Variants in THOC2 observed in about 807,000 individuals in gnomAD.
THOC2 encodes THO complex 2.
In THOC2, 10 loss-of-function variants were observed where a neutral mutation model predicts 128.4. The ratio of observed to expected loss-of-function variants is 0.08; its 90% CI spans 0.05 to 0.13. The LOEUF (loss-of-function observed/expected upper bound fraction) is 0.13. Among genes scored for constraint, THOC2 ranks in the 10% least tolerant of loss-of-function variants. The pLI, the probability that THOC2 is intolerant of heterozygous loss-of-function variation, is 1.00. For missense variants in THOC2, 535 were observed against 1,155.7 expected, an observed-to-expected ratio of 0.46 and a Z score of 7.79; for synonymous variants, 393 against 396.9, an observed-to-expected ratio of 0.99 and a Z score of 0.12.
chrX:123,703,251 A>G lies in THOC2; in HGVS notation c.274+203T>C, dbSNP rs1173010600. The stretch of plus-strand genomic sequence containing the variant: ...AGAAATCTACATTGTCAAAAACTCA[A>G]ACAATTTGAATTATACCTCTAAAGT... On this transcript the variant is annotated intron_variant, in intron 4 of 38. Coordinates refer to ENST00000245838, the MANE Select transcript of THOC2 (RefSeq NM_001081550.2). Among the ~76,000 whole-genome samples, 11 of 112,042 alleles carry G rather than the reference A, an allele frequency of 9.8e-5. No homozygotes were observed. The Admixed American group carries it at 1.0e-3, about 11-fold the overall frequency.
At chrX:123,644,439 T>C (rs778902645) in intron 15 of THOC2, 136 bp downstream of exon 15, 23 of 375,993 alleles carry the variant, frequency 6.1e-5, no homozygotes, top group Non-Finnish European at 9.9e-5. Context: ...TCATTCCATC[T>C]GTAGTATATA....
In THOC2 at chrX:123,644,658, C is replaced by T. The variant is rs755959865; in HGVS notation, c.1578G>A (p.Gln526=). Reference sequence around the variant, plus strand: ...GACTGTTATAAGTTTCATTCTTCCACTGGCCATACAGACGATATCTTAAAA... The same window carrying T: ...GACTGTTATAAGTTTCATTCTTCCATTGGCCATACAGACGATATCTTAAAA... The part of the protein sequence containing the change: ...PYQHRYRLYG[Q]WKNETYNSHP... Residue 526 remains glutamine (Q), a synonymous_variant, in exon 15 of 39, where the codon CAG becomes CAA. Coordinates refer to ENST00000245838, the MANE Select transcript of THOC2 (RefSeq NM_001081550.2). 3 of 1,203,402 alleles carry T rather than the reference C, an allele frequency of 2.5e-6. No homozygotes were observed. Among genetic ancestry groups the T allele is most frequent in the Admixed American group, 4.4e-5 (2 of 45,400 alleles).
chrX:123,627,278 C>G (rs1436824603), intron 23 of THOC2, among the ~76,000 whole-genome samples: 1 of 111,401 alleles, frequency 9.0e-6, no homozygotes, highest in Non-Finnish European at 1.9e-5. Context: ...AATCTACTTC[C>G]TGTCTTTGCT....
chrX:123,719,793 A>T (rs1247573008), intron 1 of THOC2, among the ~76,000 whole-genome samples: 1 of 108,110 alleles, frequency 9.2e-6, no homozygotes. Flanking sequence ...AGAAAGAAAT[A>T]GGCATTGTGG....
At chrX:123,664,227 A>C (rs915718638) in intron 12 of THOC2, among the ~76,000 whole-genome samples, 1 of 112,350 alleles carries the variant, frequency 8.9e-6, no homozygotes, top group African/African-American at 3.2e-5. Flanking sequence ...AAAGACTTAA[A>C]TGTTAGTCCT....
At chrX:123,661,613 G>T (rs2048834518) in intron 12 of THOC2, among the ~76,000 whole-genome samples, 1 of 110,488 alleles carries the variant, frequency 9.1e-6, no homozygotes, top group Admixed American at 9.7e-5. Flanking sequence ...TAACAACAAT[G>T]TATTATATAT....
At chrX:123,613,276 C>A in intron 36 of THOC2, 123 bp downstream of exon 36, 1 of 697,246 alleles carries the variant, frequency 1.4e-6, no homozygotes, top group African/African-American at 2.2e-5. Flanking sequence ...AATACCTCTT[C>A]TTCCCACTCC....
At chrX:123,612,423 C>T (rs913218270) in intron 36 of THOC2, among the ~76,000 whole-genome samples, 6 of 111,815 alleles carry the variant, frequency 5.4e-5, no homozygotes, top group Admixed American at 4.7e-4. Flanking sequence ...TGAAAGACAT[C>T]AGACACAAAA....
At chrX:123,666,835 C>T (rs761778269) in intron 11 of THOC2, among the ~76,000 whole-genome samples, 1 of 111,706 alleles carries the variant, frequency 9.0e-6, no homozygotes, top group East Asian at 2.8e-4. Flanking sequence ...AATGGAGTTT[C>T]AACTCTCAAT....
intron 11 of THOC2, 40 bp downstream of exon 11, chrX:123,667,066 A>G (rs2049077304): frequency 3.0e-6 from 3 of 1,013,148 alleles, no homozygotes; most frequent in Admixed American, 2.9e-5. Flanking sequence ...GTCCTAAGCT[A>G]TTTCTACCTC....
intron 38 of THOC2, among the ~76,000 whole-genome samples, chrX:123,606,900 G>A (rs138550394): frequency 1.3e-3 from 142 of 111,604 alleles, no homozygotes; most frequent in African/African-American, 4.5e-3. Context: ...CTCAAGGCCT[G>A]GGAGCAAATG....
At chrX:123,729,855 T>A (rs1281689535) in intron 1 of THOC2, among the ~76,000 whole-genome samples, 1 of 112,230 alleles carries the variant, frequency 8.9e-6, no homozygotes, top group Non-Finnish European at 1.9e-5. Context: ...CCTAGTAATA[T>A]GAAAATGCTA....
intron 1 of THOC2, among the ~76,000 whole-genome samples, chrX:123,729,433 A>T (rs1988613858): frequency 8.9e-6 from 1 of 111,935 alleles, no homozygotes; most frequent in Non-Finnish European, 1.9e-5. Flanking sequence ...TTCATGGCGT[A>T]CAGTTAAGAA....
At chrX:123,658,657 G>A (rs1000071868) in intron 12 of THOC2, among the ~76,000 whole-genome samples, 2 of 112,350 alleles carry the variant, frequency 1.8e-5, no homozygotes, top group East Asian at 5.5e-4. Flanking sequence ...GCAAAACCAC[G>A]CAGACAATGA....
At chrX:123,702,579 T>C (rs1483569936) in intron 4 of THOC2, among the ~76,000 whole-genome samples, 1 of 105,301 alleles carries the variant, frequency 9.5e-6, no homozygotes, top group Non-Finnish European at 1.9e-5. Flanking sequence ...TACACATATA[T>C]ATTATATATA....
At chrX:123,701,464 A>G (rs1324679259) in intron 4 of THOC2, among the ~76,000 whole-genome samples, 1 of 111,943 alleles carries the variant, frequency 8.9e-6, no homozygotes. Context: ...ACAATAATTC[A>G]TATTACTAAA....
At position 123,638,102 on chromosome X, in the gene THOC2, G is replaced by A; in HGVS notation, c.1862C>T (p.Ala621Val). The A allele has an allele frequency of 1.7e-6, 2 of 1,185,624 alleles. No individual in the cohort carries two copies. The highest frequency in any genetic ancestry group is 2.3e-6 in the Non-Finnish European group (2 of 876,537). Reference sequence around the variant, plus strand: ...TTTCATTCTTTCCTTTTCTGGATTAGCTAAAGCTTCAATGATACAATCTTT... The same window carrying A: ...TTTCATTCTTTCCTTTTCTGGATTAACTAAAGCTTCAATGATACAATCTTT... ...VLAYCIIEAL[A>V]NPEKERMKHD... Residue 621 changes from alanine to valine, a missense_variant, in exon 18 of 39, where the codon GCT (alanine) becomes GTT (valine). Coordinates refer to ENST00000245838, the MANE Select transcript of THOC2 (RefSeq NM_001081550.2).
At chrX:123,635,843 C>A (rs1603255096) in intron 19 of THOC2, among the ~76,000 whole-genome samples, 1 of 111,563 alleles carries the variant, frequency 9.0e-6, no homozygotes, top group East Asian at 2.8e-4. Flanking sequence ...CTGAAAGTAT[C>A]TTTTTAGTGC....
chrX:123,625,782 TA>T, intron 25 of THOC2, 129 bp downstream of exon 25: 1 of 671,305 alleles, frequency 1.5e-6, no homozygotes, highest in Non-Finnish European at 2.3e-6. Context: ...GTAGTAGAGC[TA>T]GGATTCAAGT....
Sources: allele counts gnomAD v4.1 joint callset (sites outside exome capture counted in the v4.1 genomes callset), GRCh38; gene constraint gnomAD v4.1.1; transcripts MANE v1.5; gene names NCBI Gene and HGNC (gene_info 2026-07-23, HGNC 2026-07-21).